The following SUPT16H variants were observed in gnomAD, a reference collection of about 807,000 sequenced individuals.
SUPT16H encodes FACT complex subunit SPT16.
A neutral mutation model predicts 136.2 loss-of-function variants in SUPT16H; 24 were observed. The ratio of observed to expected loss-of-function variants is 0.18; its 90% confidence interval spans 0.13 to 0.25. SUPT16H has a LOEUF of 0.25. SUPT16H is among the 10% of genes least tolerant of loss of function. SUPT16H has a pLI of 1.00. For synonymous variants in SUPT16H, 415 were observed against 428.2 expected, an observed-to-expected ratio of 0.97 and a Z score of 0.38; for missense variants, 623 against 1,270.2, an observed-to-expected ratio of 0.49 and a Z score of 7.74.
chr14:21,373,096 C>A (rs1260837726), intron 2 of SUPT16H, among the ~76,000 whole-genome samples: 1 of 152,082 alleles, frequency 6.6e-6, no homozygotes, highest in Non-Finnish European at 1.5e-5. Flanking sequence ...GGTGCACACC[C>A]CCACATCTGC....
At chr14:21,382,959 C>G (rs1887063902) in intron 1 of SUPT16H, 1 of 152,132 alleles carries the variant, frequency 6.6e-6, no homozygotes, top group African/African-American at 2.4e-5. Flanking sequence ...GAGAGCTGAT[C>G]ATTTTTCTCA....
chr14:21,357,096 C>CT lies in SUPT16H; in HGVS notation c.2660+100dup, dbSNP rs367883986. On this transcript the variant is annotated intron_variant, in intron 22 of 25. Coordinates refer to ENST00000216297, the MANE Select transcript of SUPT16H (RefSeq NM_007192.4). ...CTGTAACAACCAAAAGGCAGTCTCA[C>CT]TTTAAGTATATCAGTAGATTTTATG... 6.3e-5 allele frequency: 78 copies of CT among 1,236,772 alleles called. No individual in the cohort carries two copies. The African/African-American group carries it at 1.0e-3, about 16-fold the overall frequency. 76.6% of individuals were successfully genotyped at this position (1,236,772 alleles called of 1,614,324 possible).
Position 21,357,856 on chromosome 14 carries a change from G to A in SUPT16H, c.2490+71C>T, listed in dbSNP as rs1886467820. On this transcript the variant is annotated intron_variant, in intron 21 of 25. Transcript: ENST00000216297. Reference sequence around the variant, plus strand: ...CAAAAATGAAAATGACAATAATTAGGATAAAAAACACCTATCCTTCTTTAT... The same window carrying A: ...CAAAAATGAAAATGACAATAATTAGAATAAAAAACACCTATCCTTCTTTAT... The A allele has an allele frequency of 1.9e-5, 26 of 1,373,024 alleles. No homozygotes were observed. In the South Asian group the frequency reaches 3.1e-4, roughly 17 times the overall value. 85.1% of individuals were successfully genotyped at this position (1,373,024 alleles called of 1,614,324 possible).
rs940783877 is a variant in SUPT16H at position 21,351,493 on chromosome 14, CA to C, written c.*1179del. 30 of 289,060 alleles carry C rather than the reference CA, an allele frequency of 1.0e-4. No individual in the cohort carries two copies. The highest frequency in any genetic ancestry group is 3.9e-4 in the South Asian group (3 of 7,792). 17.9% of individuals were successfully genotyped at this position (289,060 alleles called of 1,614,324 possible). On this transcript the variant is annotated 3_prime_UTR_variant, in exon 26 of 26. Transcript: ENST00000216297. ...CAGGTGAATTTACAAAAACAAACAACAAAAAAAACCCAGTTTATTCATCTTT... is the reference window on the plus strand; with the variant it reads ...CAGGTGAATTTACAAAAACAAACAACAAAAAAACCCAGTTTATTCATCTTT...
At chr14:21,357,676 A>G (rs1240778067) in intron 21 of SUPT16H, among the ~76,000 whole-genome samples, 1 of 152,098 alleles carries the variant, frequency 6.6e-6, no homozygotes, top group Non-Finnish European at 1.5e-5. Context: ...GGTTCTTGCT[A>G]TGTTGCCCAG....
chr14:21,357,865 C>A, intron 21 of SUPT16H, 62 bp downstream of exon 21: 1 of 1,441,104 alleles, frequency 6.9e-7, no homozygotes. Flanking sequence ...GGATAAAAAA[C>A]ACCTATCCTT....
intron 1 of SUPT16H, among the ~76,000 whole-genome samples, chr14:21,378,243 A>G (rs897445843): frequency 2.6e-5 from 4 of 152,220 alleles, no homozygotes; most frequent in Admixed American, 6.5e-5. Flanking sequence ...ATTTAGAATA[A>G]AAGACTGGTA....
At position 21,362,340 on chromosome 14, in the gene SUPT16H, G is replaced by A. The variant is rs1886574001; in HGVS notation, c.1666-16C>T. The A allele has an allele frequency of 6.2e-7, 1 of 1,600,862 alleles. No homozygotes were observed. The highest frequency in any genetic ancestry group is 1.8e-5 in the Admixed American group (1 of 56,712). On this transcript the variant is annotated splice_polypyrimidine_tract_variant and intron_variant, in intron 14 of 25. Coordinates refer to ENST00000216297, the MANE Select transcript of SUPT16H (RefSeq NM_007192.4). ...TACTTATATTCTGTTCAAAGGAAAA[G>A]CATAAAAAGTAAACAGATTTCTTTC...
chr14:21,380,296 A>ATTTTTTTTTTTTT (rs60588939), intron 1 of SUPT16H, among the ~76,000 whole-genome samples: 3,907 of 111,868 alleles, frequency 0.035, 202 homozygotes, highest in Non-Finnish European at 0.042. Flanking sequence ...GGAAGACTGA[A>ATTTTTTTTTTTTT]TTTTTTTTTT....
chr14:21,368,057 G>A (rs1269665294), intron 7 of SUPT16H, among the ~76,000 whole-genome samples: 2 of 152,102 alleles, frequency 1.3e-5, no homozygotes, highest in Non-Finnish European at 2.9e-5. Flanking sequence ...GGGACCACAG[G>A]CGTGCACCAC....
chr14:21,352,602 G>A lies in SUPT16H; in HGVS notation c.*71C>T, dbSNP rs540841109. 6.2e-7 allele frequency: 1 copy of A among 1,604,964 alleles called. No homozygotes were observed. Among genetic ancestry groups the A allele is most frequent in the East Asian group, 2.2e-5 (1 of 44,792 alleles). On this transcript the variant is annotated 3_prime_UTR_variant, in exon 26 of 26. Transcript: ENST00000216297. The stretch of plus-strand genomic sequence containing the variant: ...AAATGAAAACGAAAGGAAAAATACA[G>A]TTTCTATGTCATGTAAAATTTTCAG...
chr14:21,374,595 CTT>C (rs2139415893), intron 1 of SUPT16H, among the ~76,000 whole-genome samples: 1 of 152,188 alleles, frequency 6.6e-6, no homozygotes, highest in Non-Finnish European at 1.5e-5. Flanking sequence ...AAAATGTGGC[CTT>C]TGTGTCTGGC....
At chr14:21,355,624 A>G (rs1886417093) in intron 22 of SUPT16H, among the ~76,000 whole-genome samples, 1 of 151,862 alleles carries the variant, frequency 6.6e-6, no homozygotes, top group South Asian at 2.1e-4. Flanking sequence ...TTGATGCAAA[A>G]TCTGTATGAA....
rs772098540 is a variant in SUPT16H at position 21,383,771 on chromosome 14, T to C, written c.66+91A>G. 4.5e-5 allele frequency: 66 copies of C among 1,477,310 alleles called. No individual in the cohort carries two copies. In the Admixed American group the frequency reaches 1.1e-3, roughly 24 times the overall value. 91.5% of individuals were successfully genotyped at this position (1,477,310 alleles called of 1,614,324 possible). A position where few individuals can be genotyped will look rare whatever the true frequency, so the allele number is the denominator to read the frequency against. On this transcript the variant is annotated intron_variant, in intron 1 of 25. Transcript: ENST00000216297. ...GTGAGGCACAGAACCCGGGAATTCC[T>C]GACCGAAAGAGAAAAAAGGGCGCCG...
At chr14:21,353,437 T>C (rs984464098) in intron 25 of SUPT16H, 51 bp downstream of exon 25, 3 of 1,560,124 alleles carry the variant, frequency 1.9e-6, no homozygotes, top group East Asian at 2.2e-5. Flanking sequence ...TGAAATGTGT[T>C]AGAAATTTGT....
chr14:21,353,424 TA>T, intron 25 of SUPT16H, 63 bp downstream of exon 25: 1 of 1,525,480 alleles, frequency 6.6e-7, no homozygotes, highest in Non-Finnish European at 9.0e-7. Context: ...CACCTCAAAA[TA>T]TTGAAATGTG....
At chr14:21,379,423 C>G (rs901964058) in intron 1 of SUPT16H, among the ~76,000 whole-genome samples, 1 of 129,258 alleles carries the variant, frequency 7.7e-6, no homozygotes, top group African/African-American at 2.8e-5. Context: ...GTGGCACAGT[C>G]AGACTGTCTC....
chr14:21,364,535 C>T (rs187334881), intron 10 of SUPT16H, among the ~76,000 whole-genome samples: 18 of 152,156 alleles, frequency 1.2e-4, no homozygotes, highest in Non-Finnish European at 2.2e-4. Context: ...AATTGTAGCT[C>T]AATAAAGCTG....
intron 15 of SUPT16H, 21 bp downstream of exon 15, chr14:21,362,176 T>G (rs1004175434): frequency 6.2e-7 from 1 of 1,609,612 alleles, no homozygotes; most frequent in Admixed American, 1.7e-5. Context: ...AATCTGGGTA[T>G]GACTTTTCTT....
Sources: gnomAD v4.1 joint callset for allele counts (sites outside exome capture counted in the v4.1 genomes callset) on GRCh38, gnomAD v4.1.1 for gene constraint, MANE v1.5 for transcripts, NCBI Gene and HGNC (gene_info 2026-07-23, HGNC 2026-07-21) for gene names.